Variants in GAP43 observed in about 807,000 individuals in gnomAD.
GAP43 encodes neuromodulin.
GAP43 carries 6 observed loss-of-function variants against 18.6 expected under a neutral mutation model. The observed-to-expected ratio is 0.32, with a 90% confidence interval of 0.18 to 0.64. The LOEUF is 0.64. Ranked by LOEUF, GAP43 falls within the 30% of genes least tolerant of loss-of-function variation. The pLI, the probability that GAP43 is intolerant of heterozygous loss-of-function variation, is 0.78. For missense variants in GAP43, 292 were observed against 295.5 expected (o/e 0.99, Z 0.09); for synonymous variants, 115 against 111.4 (o/e 1.03, Z -0.20).
At chr3:115,681,134 G>A (rs951312500) in intron 2 of GAP43, among the ~76,000 whole-genome samples, 2 of 152,182 alleles carry the variant, frequency 1.3e-5, no homozygotes, top group Non-Finnish European at 2.9e-5. Context: ...CTTAAATACT[G>A]TTGATTATTA....
rs112676326 is a variant in GAP43, at chr3:115,720,405, C to T, written c.629-389C>T. Among the ~76,000 whole-genome samples, 672 of 152,284 alleles carry T rather than the reference C, an allele frequency of 4.4e-3. 3 individuals are homozygous for T. The highest frequency in any genetic ancestry group is 0.014 in the African/African-American group (593 of 41,552). On this transcript the variant is annotated intron_variant, in intron 2 of 2. Coordinates refer to ENST00000305124, the MANE Select transcript of GAP43 (RefSeq NM_002045.4). ...CTTGGACTAGATGATCGATGGTCCA[C>T]ATAAATTATCTGTCACAATTCTTCT...
At chr3:115,645,576 A>G (rs1420413104) in intron 1 of GAP43, among the ~76,000 whole-genome samples, 1 of 151,380 alleles carries the variant, frequency 6.6e-6, no homozygotes, top group Non-Finnish European at 1.5e-5. Flanking sequence ...CTAAAATTTC[A>G]TATTTGTAAC....
intron 2 of GAP43, among the ~76,000 whole-genome samples, chr3:115,720,020 G>C (rs1709557016): frequency 6.6e-6 from 1 of 152,190 alleles, no homozygotes; most frequent in South Asian, 2.1e-4. Context: ...AGTGTATTCA[G>C]TTGGAATGTG....
chr3:115,698,117 T>A (rs1157559541), intron 2 of GAP43, among the ~76,000 whole-genome samples: 4 of 14,528 alleles, frequency 2.8e-4, no homozygotes, highest in East Asian at 8.5e-3. Context: ...AAATATATAA[T>A]ATATATTATA....
At chr3:115,698,108 A>AATATATATTATATATTATATATAAT (rs1709230354) in intron 2 of GAP43, among the ~76,000 whole-genome samples, 1 of 28,430 alleles carries the variant, frequency 3.5e-5, no homozygotes, top group African/African-American at 9.1e-5. Flanking sequence ...TAATATATAA[A>AATATATATTATATATTATATATAAT]ATATATAATA....
intron 2 of GAP43, among the ~76,000 whole-genome samples, chr3:115,698,114 T>TATTATATATAATATATAA (rs1709231048): frequency 1.9e-4 from 5 of 27,000 alleles, no homozygotes; most frequent in Admixed American, 1.1e-3. Flanking sequence ...ATAAAATATA[T>TATTATATATAATATATAA]AATATATATT....
chr3:115,665,989 AGTGT>A (rs34314907), intron 1 of GAP43, among the ~76,000 whole-genome samples: 12,872 of 61,366 alleles, frequency 0.21, 602 homozygotes, highest in Middle Eastern at 0.32. Context: ...TGGCTAAATG[AGTGT>A]GTGTGTGTGT....
At chr3:115,689,240 A>G (rs1423258287) in intron 2 of GAP43, among the ~76,000 whole-genome samples, 2 of 151,988 alleles carry the variant, frequency 1.3e-5, no homozygotes, top group African/African-American at 2.4e-5. Flanking sequence ...TCTCCGTAGC[A>G]TTCTTAGTGC....
chr3:115,633,235 A>G (rs1431909702), intron 1 of GAP43, among the ~76,000 whole-genome samples: 2 of 152,086 alleles, frequency 1.3e-5, no homozygotes, highest in Non-Finnish European at 2.9e-5. Flanking sequence ...GGAGAGAGGG[A>G]CAGAGGGAGA....
At position 115,673,064 on chromosome 3, in the gene GAP43, A is replaced by G. The variant is rs369501939; in HGVS notation, c.31-2949A>G. On this transcript the variant is annotated intron_variant, in intron 1 of 2. Transcript: ENST00000305124. ...TTCTGCTCACTCCTGCTTCCCTTGA[A>G]TTTCTTATACTTCTGGGTTGTTTAA... Among the ~76,000 whole-genome samples, 67 of 152,106 alleles carry G rather than the reference A, an allele frequency of 4.4e-4. 1 individual carries two copies. Among genetic ancestry groups the G allele is most frequent in the African/African-American group, 1.5e-3 (64 of 41,476 alleles).
At chr3:115,697,996 T>TGC (rs2107363951) in intron 2 of GAP43, among the ~76,000 whole-genome samples, 2 of 121,836 alleles carry the variant, frequency 1.6e-5, no homozygotes, top group African/African-American at 6.3e-5. Context: ...TGTGTGTGTG[T>TGC]GTGTGTGTGT....
intron 2 of GAP43, among the ~76,000 whole-genome samples, chr3:115,696,032 TCTC>T (rs534058794): frequency 9.9e-5 from 15 of 152,044 alleles, no homozygotes; most frequent in Non-Finnish European, 1.6e-4. Flanking sequence ...TTGGATGTCT[TCTC>T]CTCTTTTCTC....
chr3:115,671,997 G>T (rs991366240), intron 1 of GAP43, among the ~76,000 whole-genome samples: 1 of 152,190 alleles, frequency 6.6e-6, no homozygotes, highest in Admixed American at 6.5e-5. Flanking sequence ...CCGTTCAGTA[G>T]CATTTGTATA....
At chr3:115,638,333 G>T (rs545599458) in intron 1 of GAP43, among the ~76,000 whole-genome samples, 5 of 152,068 alleles carry the variant, frequency 3.3e-5, no homozygotes, top group African/African-American at 1.2e-4. Flanking sequence ...ACAACCATGC[G>T]CCTCTTGGTC....
At chr3:115,683,392 A>G (rs1708989567) in intron 2 of GAP43, among the ~76,000 whole-genome samples, 1 of 152,166 alleles carries the variant, frequency 6.6e-6, no homozygotes, top group Non-Finnish European at 1.5e-5. Flanking sequence ...TTATTATTAG[A>G]CTAGAGGCCC....
At chr3:115,707,655 C>T (rs932126860) in intron 2 of GAP43, among the ~76,000 whole-genome samples, 6 of 152,162 alleles carry the variant, frequency 3.9e-5, no homozygotes, top group South Asian at 2.1e-4. Flanking sequence ...TACTACTTTG[C>T]GCATCTAAAA....
At chr3:115,663,058 A>G (rs535605772) in intron 1 of GAP43, among the ~76,000 whole-genome samples, 37 of 152,254 alleles carry the variant, frequency 2.4e-4, no homozygotes, top group African/African-American at 8.7e-4. Context: ...ACAAAGTGGG[A>G]GGTGTGCTGC....
intron 2 of GAP43, among the ~76,000 whole-genome samples, chr3:115,695,528 G>A (rs1399294739): frequency 6.6e-6 from 1 of 152,142 alleles, no homozygotes; most frequent in Non-Finnish European, 1.5e-5. Context: ...ACCCTATGAG[G>A]TAAGAACTCC....
chr3:115,657,391 G>A (rs1025264397), intron 1 of GAP43, among the ~76,000 whole-genome samples: 2 of 152,164 alleles, frequency 1.3e-5, no homozygotes, highest in African/African-American at 2.4e-5. Context: ...AACTGATCCC[G>A]GGCCTCTTGG....
Sources: gnomAD v4.1 joint callset for allele counts (sites outside exome capture counted in the v4.1 genomes callset) on GRCh38, gnomAD v4.1.1 for gene constraint, MANE v1.5 for transcripts, NCBI Gene and HGNC (gene_info 2026-07-23, HGNC 2026-07-21) for gene names.